The following USP40 variants were observed in gnomAD, a reference collection of about 807,000 sequenced individuals.
The protein encoded by USP40 is ubiquitin carboxyl-terminal hydrolase 40.
USP40 carries 143 observed loss-of-function variants against 166.2 expected under a neutral mutation model. The observed-to-expected ratio is 0.86, with a 90% confidence interval of 0.75 to 0.99. USP40 has a LOEUF of 0.99. USP40 is among the 50% of genes least tolerant of loss of function. USP40 has a pLI of 0.00. For missense variants in USP40, 1,444 were observed against 1,479.7 expected (o/e 0.98, Z 0.40); for synonymous variants, 498 against 524.0 (o/e 0.95, Z 0.68).
In USP40 at chr2:233,506,740, C is replaced by CAAAAAAA. The variant is rs1227656570; in HGVS notation, c.2613+3302_2613+3308dup. Among the ~76,000 whole-genome samples, 314 of 53,738 alleles carry CAAAAAAA rather than the reference C, an allele frequency of 5.8e-3. 5 individuals are homozygous for CAAAAAAA. In the East Asian group the frequency reaches 0.071, roughly 12 times the overall value. 35.3% of individuals were successfully genotyped at this position (53,738 alleles called of 152,430 possible). A position where few individuals can be genotyped will look rare whatever the true frequency, so the allele number is the denominator to read the frequency against. On this transcript the variant is annotated intron_variant, in intron 21 of 31. Transcript: ENST00000678225. Reference sequence around the variant, plus strand: ...TGAGACACTGCCTCTACCGAAAATACAAAAAAAAAAAAAAAAAAAAAATAG... The same window carrying CAAAAAAA: ...TGAGACACTGCCTCTACCGAAAATACAAAAAAAAAAAAAAAAAAAAAAAAAAAAATAG...
intron 30 of USP40, among the ~76,000 whole-genome samples, chr2:233,483,647 G>A (rs899227784): frequency 1.1e-4 from 17 of 152,080 alleles, no homozygotes; most frequent in African/African-American, 3.6e-4. Flanking sequence ...GGGGCCTGAC[G>A]CTGACTCAAG....
intron 3 of USP40, chr2:233,561,068 A>T: frequency 7.3e-7 from 1 of 1,370,794 alleles, no homozygotes; most frequent in East Asian, 2.5e-5. Context: ...AATTAATAAA[A>T]TTATTGCTTT....
At chr2:233,494,824 TAAA>T (rs367849310) in intron 24 of USP40, among the ~76,000 whole-genome samples, 1,126 of 79,154 alleles carry the variant, frequency 0.014, 23 homozygotes, top group East Asian at 0.11. Context: ...AGATCCTTTC[TAAA>T]AAAAAAAAAA....
intron 21 of USP40, among the ~76,000 whole-genome samples, chr2:233,509,496 T>A (rs1468955379): frequency 6.6e-6 from 1 of 152,130 alleles, no homozygotes; most frequent in East Asian, 1.9e-4. Flanking sequence ...AACATTTCTA[T>A]AATAAAAAAC....
At chr2:233,479,557 G>A (rs1215821193) in intron 31 of USP40, among the ~76,000 whole-genome samples, 3 of 138,162 alleles carry the variant, frequency 2.2e-5, no homozygotes, top group South Asian at 4.3e-4. Flanking sequence ...GTGGGACTCC[G>A]TCGCAAAAAA....
intron 11 of USP40, among the ~76,000 whole-genome samples, chr2:233,530,914 T>C (rs557762162): frequency 3.9e-5 from 6 of 152,326 alleles, no homozygotes; most frequent in African/African-American, 9.6e-5. Flanking sequence ...TTTGCCCTAG[T>C]TTTTTCTTTC....
At chr2:233,551,229 C>T in intron 7 of USP40, 147 bp downstream of exon 7, 1 of 909,570 alleles carries the variant, frequency 1.1e-6, no homozygotes, top group African/African-American at 1.7e-5. Context: ...ATGAGACAGT[C>T]TCCCACAACA....
In USP40 at chr2:233,522,674, C is replaced by T. The variant is rs1008799686; in HGVS notation, c.2201+496G>A. On this transcript the variant is annotated intron_variant, in intron 16 of 31. Transcript: ENST00000678225. ...CACAGGATTCATGGGGGTAATTCGCCACGTAACTGCTCTATTTGGGCAACT... is the reference window on the plus strand; with the variant it reads ...CACAGGATTCATGGGGGTAATTCGCTACGTAACTGCTCTATTTGGGCAACT... Among the ~76,000 whole-genome samples the T allele has an allele frequency of 2.6e-4, 40 of 152,146 alleles. 1 individual carries two copies. Among genetic ancestry groups the T allele is most frequent in the African/African-American group, 4.8e-5 (2 of 41,430 alleles).
Position 233,529,473 on chromosome 2 carries a change from A to G in USP40, c.1511T>C (p.Leu504Pro). ...NPRYGVPCHL[L>P]NEMDAANIEL... ...AATGTTAGCTGCATCCATTTCATTC[A>G]GTAAATGACATGGAACCCCATATCT... Residue 504 changes from leucine (L) to proline (P), a missense_variant, in exon 12 of 32, where the codon CTG becomes CCG. By Grantham distance (98) the Leu-to-Pro change is moderately conservative (BLOSUM62 -3). Transcript: ENST00000678225. 1.3e-6 allele frequency: 2 copies of G among 1,585,124 alleles called. No homozygotes were observed. Among genetic ancestry groups the G allele is most frequent in the Non-Finnish European group, 1.7e-6 (2 of 1,163,784 alleles).
At chr2:233,536,707 T>C (rs1358114121) in intron 10 of USP40, among the ~76,000 whole-genome samples, 1 of 152,154 alleles carries the variant, frequency 6.6e-6, no homozygotes, top group East Asian at 1.9e-4. Context: ...ACATATCAAA[T>C]GGTCGAATAC....
intron 11 of USP40, among the ~76,000 whole-genome samples, chr2:233,533,151 G>A (rs908555074): frequency 6.6e-6 from 1 of 152,144 alleles, no homozygotes; most frequent in Non-Finnish European, 1.5e-5. Context: ...ATGGCTGAAT[G>A]ACAGAGCCAA....
At chr2:233,499,971 G>A in intron 21 of USP40, 56 bp from the exon 22 acceptor site, 2 of 1,524,954 alleles carry the variant, frequency 1.3e-6, no homozygotes, top group Non-Finnish European at 1.8e-6. Context: ...TACAGTTCTA[G>A]GACAAACACC....
At position 233,485,539 on chromosome 2, in the gene USP40, C is replaced by CA; in HGVS notation, c.3495dup (p.Gly1166TrpfsTer3). The CA allele has an allele frequency of 6.2e-7, 1 of 1,613,632 alleles. No homozygotes were observed. The highest frequency in any genetic ancestry group is 8.5e-7 in the Non-Finnish European group (1 of 1,179,698). The stretch of plus-strand genomic sequence containing the variant: ...GCTGTTAAACAACTTACCTTAACAC[C>CA]AATAGTATCTCCGTCTTTCAAGTAA... On this transcript the variant is annotated frameshift_variant, in exon 30 of 32. Coordinates refer to ENST00000678225, the MANE Select transcript of USP40 (RefSeq NM_001365479.2). LOFTEE classifies it high-confidence loss of function.
chr2:233,566,124 A>C (rs973360247), intron 1 of USP40, among the ~76,000 whole-genome samples: 19 of 150,794 alleles, frequency 1.3e-4, no homozygotes. Flanking sequence ...TACAGTCCCG[A>C]AGCTGTTGGG....
intron 21 of USP40, among the ~76,000 whole-genome samples, chr2:233,509,407 T>C (rs2066643251): frequency 6.6e-6 from 1 of 152,162 alleles, no homozygotes; most frequent in Non-Finnish European, 1.5e-5. Flanking sequence ...AGAAAAAATA[T>C]GCCAAAATGT....
chr2:233,540,848 G>C (rs1473065382), intron 9 of USP40, 79 bp from the exon 10 acceptor site: 1 of 900,890 alleles, frequency 1.1e-6, no homozygotes, highest in Non-Finnish European at 1.7e-6. Context: ...GAGACCAACA[G>C]GATTATACCT....
At chr2:233,531,993 C>T (rs980179152) in intron 11 of USP40, among the ~76,000 whole-genome samples, 1 of 152,182 alleles carries the variant, frequency 6.6e-6, no homozygotes, top group Admixed American at 6.5e-5. Flanking sequence ...CTTTCCATTC[C>T]TAAGTAACAC....
intron 8 of USP40, 61 bp downstream of exon 8, chr2:233,549,040 C>CAA: frequency 2.7e-6 from 4 of 1,482,700 alleles, no homozygotes; most frequent in Non-Finnish European, 3.6e-6. Flanking sequence ...ATTTCCTCAA[C>CAA]AAAATAATAG....
At chr2:233,479,331 A>G (rs969757917) in intron 31 of USP40, among the ~76,000 whole-genome samples, 1 of 152,194 alleles carries the variant, frequency 6.6e-6, no homozygotes, top group Non-Finnish European at 1.5e-5. Context: ...TTGGGAGGCC[A>G]AGGCGGGCTG....
Sources: gnomAD v4.1 joint callset for allele counts (sites outside exome capture counted in the v4.1 genomes callset) on GRCh38, gnomAD v4.1.1 for gene constraint, MANE v1.5 for transcripts, NCBI Gene and HGNC (gene_info 2026-07-23, HGNC 2026-07-21) for gene names.